The following CLDN5 variants were observed in gnomAD, a reference collection of about 807,000 sequenced individuals.
CLDN5 encodes claudin 5.
CLDN5 carries 4 observed loss-of-function variants against 1.3 expected under a neutral mutation model. That is an observed-to-expected ratio of 3.07 (90% CI 1.51 to 7.03). The LOEUF (loss-of-function observed/expected upper bound fraction) is 7.03, where lower values mean the gene tolerates loss of function less well. CLDN5 is among the 30% of genes most tolerant of loss of function. The pLI, the probability that CLDN5 is intolerant of heterozygous loss-of-function variation, is 0.00. For synonymous variants in CLDN5, 156 were observed against 152.3 expected, an observed-to-expected ratio of 1.02 and a Z score of -0.18; for missense variants, 225 against 303.5, an observed-to-expected ratio of 0.74 and a Z score of 1.92.
chr22:19,524,323 G>A lies in CLDN5; in HGVS notation c.-68C>T. On this transcript the variant is annotated 5_prime_UTR_variant, in exon 1 of 1. Coordinates refer to ENST00000618236, the MANE Select transcript of CLDN5 (RefSeq NM_001363066.2). ...AAGGCCGTGCTGCGCGGCGCCCTGG[G>A]CGGGCCCTGGTGCCTTTGCGCCCGC... The A allele has an allele frequency of 2.0e-6, 3 of 1,509,856 alleles. No homozygotes were observed. Among genetic ancestry groups the A allele is most frequent in the Non-Finnish European group, 2.7e-6 (3 of 1,128,086 alleles). The allele number at this position is 1,509,856 out of a possible 1,614,324, so 93.5% of individuals were successfully genotyped here.
upstream of CLDN5, chr22:19,525,117 C>A (rs916125640): frequency 7.0e-6 from 7 of 1,000,482 alleles, no homozygotes; most frequent in African/African-American, 1.7e-5. Context: ...CCCTGCCTGG[C>A]GACCCCCACT....
At position 19,523,485 on chromosome 22, in the gene CLDN5, G is replaced by A. The variant is rs885984; in HGVS notation, c.*114C>T. ...GGGGCGCAGAGCCGGACGTTCCGAG[G>A]AGCCTGCGCGCCGCGCTACCCGGCG... On this transcript the variant is annotated 3_prime_UTR_variant, in exon 1 of 1. Transcript: ENST00000618236. 66,626 of 1,396,434 alleles carry A rather than the reference G, an allele frequency of 0.048. 2,175 individuals are homozygous for A. The highest frequency in any genetic ancestry group is 0.13 in the South Asian group (8,676 of 67,160). The allele number at this position is 1,396,434 out of a possible 1,614,324, so 86.5% of individuals were successfully genotyped here. A position where few individuals can be genotyped will look rare whatever the true frequency, so the allele number is the denominator to read the frequency against.
Position 19,523,883 on chromosome 22 carries a change from A to G in CLDN5, c.373T>C (p.Tyr125His). The change falls in exon 1 of 1, where the codon TAC becomes CAC. Residue 125 changes from tyrosine to histidine, a missense_variant. Tyr to His is a moderately conservative substitution (Grantham distance 83). Around this residue, in one of 3 missense-constraint regions of CLDN5, gnomAD observed 165 missense variants for 211.9 expected, o/e 0.78. Coordinates refer to ENST00000618236, the MANE Select transcript of CLDN5 (RefSeq NM_001363066.2). ...ARVALTGGVL[Y>H]LFCGLLALVP... ...AGCGCCAGCAGCCCGCAAAACAGGTAGAGCACGCCTCCCGTGAGGGCCACA... is the reference window on the plus strand; with the variant it reads ...AGCGCCAGCAGCCCGCAAAACAGGTGGAGCACGCCTCCCGTGAGGGCCACA... 1 of 1,608,696 alleles carries G rather than the reference A, an allele frequency of 6.2e-7. No homozygotes were observed. The highest frequency in any genetic ancestry group is 8.5e-7 in the Non-Finnish European group (1 of 1,179,096).
rs1287063163 is a variant in CLDN5 at position 19,523,545 on chromosome 22, T to C, written c.*54A>G. On this transcript the variant is annotated 3_prime_UTR_variant, in exon 1 of 1. Coordinates refer to ENST00000618236, the MANE Select transcript of CLDN5 (RefSeq NM_001363066.2). The stretch of plus-strand genomic sequence containing the variant: ...GTCCATGCGGGGCTCCCCAGGCTTA[T>C]CCAACGCCTCGCAGGCGTGGCTGGC... 2.6e-6 allele frequency: 4 copies of C among 1,511,324 alleles called. No individual in the cohort carries two copies. Among genetic ancestry groups the C allele is most frequent in the African/African-American group, 2.8e-5 (2 of 71,766 alleles). The allele number at this position is 1,511,324 out of a possible 1,614,324, so 93.6% of individuals were successfully genotyped here.
In CLDN5 at chr22:19,523,703, C is replaced by T. The variant is rs1200147261; in HGVS notation, c.553G>A (p.Ala185Thr). ...TCGGGACGGCCGGTGCAGACCCAGG[C>T]GCCGCAGCACAAGAGGCAGCCGCCT... ...MVGGCLLCCGAWVCTGRPDLS... is the reference protein window; with the variant it reads ...MVGGCLLCCGTWVCTGRPDLS... The change falls in exon 1 of 1, where the codon GCC becomes ACC. Residue 185 changes from alanine to threonine, a missense_variant. Around this residue, in one of 3 missense-constraint regions of CLDN5, gnomAD observed 165 missense variants for 211.9 expected, o/e 0.78. Coordinates refer to ENST00000618236, the MANE Select transcript of CLDN5 (RefSeq NM_001363066.2). 1.9e-6 allele frequency: 3 copies of T among 1,607,436 alleles called. No individual in the cohort carries two copies. The highest frequency in any genetic ancestry group is 2.7e-5 in the African/African-American group (2 of 74,906).
At chr22:19,524,706 G>C, upstream of CLDN5, 5 of 1,298,612 alleles carry the variant, frequency 3.9e-6, no homozygotes, top group African/African-American at 1.6e-5. Context: ...TGCGCGTCCC[G>C]GCCCCGTCAC....
upstream of CLDN5, chr22:19,525,102 T>C: frequency 1.0e-6 from 1 of 1,000,708 alleles, no homozygotes. Context: ...GCACAGGGGC[T>C]TTCCCCCTGC....
chr22:19,523,804 G>T lies in CLDN5; in HGVS notation c.452C>A (p.Ser151Tyr). The T allele has an allele frequency of 6.2e-7, 1 of 1,607,866 alleles. No individual in the cohort carries two copies. Among genetic ancestry groups the T allele is most frequent in the South Asian group, 1.1e-5 (1 of 90,442 alleles). ...NIVVREFYDP[S>Y]VPVSQKYELG... ...CTCGTACTTCTGCGACACGGGCACA[G>T]ACGGGTCGTAAAACTCGCGGACGAC... Residue 151 changes from serine (S) to tyrosine (Y), a missense_variant, in exon 1 of 1, where the codon TCT becomes TAT. Around this residue, in one of 3 missense-constraint regions of CLDN5, gnomAD observed 165 missense variants for 211.9 expected, o/e 0.78. Transcript: ENST00000618236.
Position 19,523,961 on chromosome 22 carries a change from G to C in CLDN5, c.295C>G (p.Leu99Val). The change falls in exon 1 of 1, where the codon CTG becomes GTG. Residue 99 changes from leucine (L) to valine (V), a missense_variant. Coordinates refer to ENST00000618236, the MANE Select transcript of CLDN5 (RefSeq NM_001363066.2). The part of the protein sequence containing the change: ...LLAFVALFVT[L>V]AGAQCTTCVA... Reference sequence around the variant, plus strand: ...CAGGTGGTGCACTGCGCGCCCGCCAGGGTCACGAAGAGCGCAACGAACGCC... The same window carrying C: ...CAGGTGGTGCACTGCGCGCCCGCCACGGTCACGAAGAGCGCAACGAACGCC... The C allele has an allele frequency of 6.3e-7, 1 of 1,588,426 alleles. No individual in the cohort carries two copies. Among genetic ancestry groups the C allele is most frequent in the Non-Finnish European group, 8.5e-7 (1 of 1,172,770 alleles).
At position 19,524,378 on chromosome 22, in the gene CLDN5, C is replaced by G; in HGVS notation, c.-123G>C. On this transcript the variant is annotated 5_prime_UTR_variant, in exon 1 of 1. Transcript: ENST00000618236. ...CCGGCTCTTGGCCCCAGTCCGTTTG[C>G]CCCGCGGGTCTGTCGCACCTCCTGG... 2 of 1,467,550 alleles carry G rather than the reference C, an allele frequency of 1.4e-6. No individual in the cohort carries two copies. The highest frequency in any genetic ancestry group is 1.8e-6 in the Non-Finnish European group (2 of 1,108,684). 90.9% of individuals were successfully genotyped at this position (1,467,550 alleles called of 1,614,324 possible).
chr22:19,524,625 C>T, upstream of CLDN5: 2 of 1,353,924 alleles, frequency 1.5e-6, no homozygotes, highest in Non-Finnish European at 1.9e-6. Context: ...CCCAGCCCCA[C>T]CCGCCGTTGT....
rs1280923266 is a variant in CLDN5, at chr22:19,523,394, G to C, written c.*205C>G. 1 of 640,520 alleles carries C rather than the reference G, an allele frequency of 1.6e-6. No individual in the cohort carries two copies. The highest frequency in any genetic ancestry group is 3.4e-5 in the Admixed American group (1 of 29,486). 39.7% of individuals were successfully genotyped at this position (640,520 alleles called of 1,614,324 possible). ...ACTTCATTCCGTCTGTTAAGGGCAG[G>C]GCCGGGCTAGTGGCAGGAGAAGGTC... On this transcript the variant is annotated 3_prime_UTR_variant, in exon 1 of 1. Transcript: ENST00000618236.
chr22:19,523,892 C>T lies in CLDN5; in HGVS notation c.364G>A (p.Gly122Ser). The change falls in exon 1 of 1, where the codon GGC becomes AGC. Residue 122 changes from glycine (G) to serine (S), a missense_variant. By Grantham distance (56) the Gly-to-Ser change is moderately conservative. Transcript: ENST00000618236. The part of the protein sequence containing the change: ...PAKARVALTG[G>S]VLYLFCGLLA... ...AGCCCGCAAAACAGGTAGAGCACGC[C>T]TCCCGTGAGGGCCACACGCGCCTTG... The T allele has an allele frequency of 1.2e-6, 2 of 1,607,288 alleles. No individual in the cohort carries two copies. The highest frequency in any genetic ancestry group is 1.7e-5 in the Admixed American group (1 of 59,590).
chr22:19,524,632 T>C, upstream of CLDN5: 1 of 1,301,864 alleles, frequency 7.7e-7, no homozygotes. Flanking sequence ...CCACCCGCCG[T>C]TGTCCTAGTC....
At position 19,524,217 on chromosome 22, in the gene CLDN5, C is replaced by T. The variant is rs1192248945; in HGVS notation, c.39G>A (p.Leu13=). ...SAALEILGLV[L]CLVGWGGLIL... is the part of the protein sequence containing the mutation. ...TCAGACCCCCCCAGCCCACCAGGCACAGCACCAGGCCCAGGATCTCCAACG... is the reference window on the plus strand; with the variant it reads ...TCAGACCCCCCCAGCCCACCAGGCATAGCACCAGGCCCAGGATCTCCAACG... The change falls in exon 1 of 1, where the codon CTG becomes CTA. Residue 13 remains leucine, a synonymous_variant. Coordinates refer to ENST00000618236, the MANE Select transcript of CLDN5 (RefSeq NM_001363066.2). 1 of 1,599,602 alleles carries T rather than the reference C, an allele frequency of 6.3e-7. No individual in the cohort carries two copies. The highest frequency in any genetic ancestry group is 1.1e-5 in the South Asian group (1 of 89,160).
upstream of CLDN5, chr22:19,525,160 A>C (rs1262637107): frequency 1.0e-6 from 1 of 1,000,358 alleles, no homozygotes; most frequent in East Asian, 1.1e-4. Flanking sequence ...CAGACCTCTC[A>C]ATCTTCACAG....
At chr22:19,524,815 C>T (rs1305337657), upstream of CLDN5, 32 of 1,203,898 alleles carry the variant, frequency 2.7e-5, no homozygotes, top group Non-Finnish European at 3.3e-5. Context: ...CTCCACTTCC[C>T]TGACCAAGGT....
chr22:19,524,313 G>A lies in CLDN5; in HGVS notation c.-58C>T. 2 of 1,516,676 alleles carry A rather than the reference G, an allele frequency of 1.3e-6. No individual in the cohort carries two copies. Among genetic ancestry groups the A allele is most frequent in the South Asian group, 2.5e-5 (2 of 79,868 alleles). 94.0% of individuals were successfully genotyped at this position (1,516,676 alleles called of 1,614,324 possible). A position where few individuals can be genotyped will look rare whatever the true frequency, so the allele number is the denominator to read the frequency against. ...CAGAACCCCCAAGGCCGTGCTGCGCGGCGCCCTGGGCGGGCCCTGGTGCCT... is the reference window on the plus strand; with the variant it reads ...CAGAACCCCCAAGGCCGTGCTGCGCAGCGCCCTGGGCGGGCCCTGGTGCCT... On this transcript the variant is annotated 5_prime_UTR_variant, in exon 1 of 1. Transcript: ENST00000618236.
At position 19,523,376 on chromosome 22, in the gene CLDN5, T is replaced by A; in HGVS notation, c.*223A>T. The stretch of plus-strand genomic sequence containing the variant: ...CCGCGCACAGAAAAGGAAACTTCAT[T>A]CCGTCTGTTAAGGGCAGGGCCGGGC... On this transcript the variant is annotated 3_prime_UTR_variant, in exon 1 of 1. Transcript: ENST00000618236. 1 of 569,952 alleles carries A rather than the reference T, an allele frequency of 1.8e-6. No individual in the cohort carries two copies. 35.3% of individuals were successfully genotyped at this position (569,952 alleles called of 1,614,324 possible).
Sources: gnomAD v4.1 joint callset for allele counts on GRCh38, gnomAD v4.1.1 for gene constraint, gnomAD v4.1.1 regional missense constraint, MANE v1.5 for transcripts, NCBI Gene and HGNC (gene_info 2026-07-23, HGNC 2026-07-21) for gene names.